The following ANK3 variants were observed in gnomAD, a reference collection of about 807,000 sequenced individuals.
ANK3 encodes the protein ankyrin 3, also known as ankyrin-3.
Under a neutral mutation model 370.9 loss-of-function variants are expected in ANK3, and 57 were observed. The ratio of observed to expected loss-of-function variants is 0.15; its 90% CI spans 0.12 to 0.19. ANK3 has a LOEUF of 0.19. ANK3 is among the 10% of genes least tolerant of loss of function. The pLI is 1.00. For missense variants in ANK3, 4,439 were observed against 5,302.1 expected, an observed-to-expected ratio of 0.84 and a Z score of 5.06; for synonymous variants, 1,929 against 1,946.3, an observed-to-expected ratio of 0.99 and a Z score of 0.23.
intron 2 of ANK3, among the ~76,000 whole-genome samples, chr10:60,486,538 C>T (rs779717478): frequency 7.2e-5 from 11 of 152,184 alleles, no homozygotes; most frequent in Non-Finnish European, 1.5e-4. Context: ...TGAGATCATG[C>T]CACTGCACTG....
chr10:60,438,562 C>T (rs1173581626), intron 2 of ANK3, among the ~76,000 whole-genome samples: 1 of 152,126 alleles, frequency 6.6e-6, no homozygotes, highest in Non-Finnish European at 1.5e-5. Flanking sequence ...ATGTGAATGC[C>T]TAAGCCATTT....
chr10:60,683,525 A>C (rs2079224958), intron 1 of ANK3, among the ~76,000 whole-genome samples: 2 of 152,226 alleles, frequency 1.3e-5, no homozygotes, highest in African/African-American at 4.8e-5. Flanking sequence ...TATGAATTTC[A>C]CTTTGAAGAT....
At chr10:60,719,743 T>A (rs560980256) in intron 1 of ANK3, among the ~76,000 whole-genome samples, 1 of 152,276 alleles carries the variant, frequency 6.6e-6, no homozygotes, top group Non-Finnish European at 1.5e-5. Context: ...TCTTGTCACA[T>A]TTTAAATATT....
At chr10:60,277,540 T>C (rs1341306931) in intron 4 of ANK3, among the ~76,000 whole-genome samples, 2 of 152,236 alleles carry the variant, frequency 1.3e-5, no homozygotes, top group Non-Finnish European at 2.9e-5. Flanking sequence ...GACCATCTTT[T>C]GGAAGAAGTA....
At chr10:60,263,064 C>T (rs1269814908) in intron 6 of ANK3, among the ~76,000 whole-genome samples, 1 of 152,030 alleles carries the variant, frequency 6.6e-6, no homozygotes, top group African/African-American at 2.4e-5. Context: ...GGCAGCAGCA[C>T]TAAGTCATGG....
intron 1 of ANK3, among the ~76,000 whole-genome samples, chr10:60,343,492 G>A (rs1448180263): frequency 6.6e-6 from 1 of 152,082 alleles, no homozygotes; most frequent in Non-Finnish European, 1.5e-5. Flanking sequence ...GGAAAGAAAG[G>A]GGAGTATAAG....
chr10:60,091,510 A>G (rs1310552548), intron 28 of ANK3, among the ~76,000 whole-genome samples: 3 of 137,744 alleles, frequency 2.2e-5, no homozygotes, highest in Non-Finnish European at 3.1e-5. Flanking sequence ...AAAGTGAGGG[A>G]CTAGAATGTG....
chr10:60,161,602 T>C (rs552831254), intron 23 of ANK3, among the ~76,000 whole-genome samples: 11 of 152,114 alleles, frequency 7.2e-5, no homozygotes, highest in African/African-American at 1.7e-4. Context: ...ATGGATGGAA[T>C]TGGAGACATT....
intron 2 of ANK3, among the ~76,000 whole-genome samples, chr10:60,438,938 A>G (rs1388475942): frequency 6.6e-6 from 1 of 152,218 alleles, no homozygotes; most frequent in Non-Finnish European, 1.5e-5. Context: ...CTCCCCTAAG[A>G]GTCTTAAAAC....
At chr10:60,368,899 C>A (rs1243142702) in intron 1 of ANK3, among the ~76,000 whole-genome samples, 1 of 152,150 alleles carries the variant, frequency 6.6e-6, no homozygotes. Flanking sequence ...CAACCTGGTG[C>A]TGGAAATCCT....
intron 1 of ANK3, among the ~76,000 whole-genome samples, chr10:60,280,934 G>A (rs576080643): frequency 6.6e-6 from 1 of 152,130 alleles, no homozygotes; most frequent in Non-Finnish European, 1.5e-5. Context: ...TGGTATACCT[G>A]TCCTTCTTCC....
chr10:60,180,163 G>A lies in ANK3; in HGVS notation c.2184+1166C>T, dbSNP rs1169150687. 2.0e-5 allele frequency among the ~76,000 whole-genome samples: 3 copies of A among 152,160 alleles called. No individual in the cohort carries two copies. In the East Asian group the frequency reaches 5.8e-4, roughly 29 times the overall value. ...TTTGGTGTCAATACCCTTTTATCTG[G>A]CTAATTTGGGGTAATATTTCTGTAT... On this transcript the variant is annotated intron_variant, in intron 18 of 43. Transcript: ENST00000280772.
chr10:60,600,518 T>C (rs780551366), intron 2 of ANK3, among the ~76,000 whole-genome samples: 9 of 152,156 alleles, frequency 5.9e-5, no homozygotes, highest in Non-Finnish European at 1.3e-4. Flanking sequence ...TTCAAAGCAC[T>C]TACTACTCTC....
chr10:60,683,363 T>C (rs1357484188), intron 1 of ANK3, among the ~76,000 whole-genome samples: 1 of 152,168 alleles, frequency 6.6e-6, no homozygotes, highest in Non-Finnish European at 1.5e-5. Context: ...AGCATGAGGC[T>C]TTTTGGAAGA....
chr10:60,645,183 A>T (rs1477528789), intron 1 of ANK3, among the ~76,000 whole-genome samples: 1 of 152,118 alleles, frequency 6.6e-6, no homozygotes, highest in East Asian at 1.9e-4. Flanking sequence ...CTCTTTTGTC[A>T]CCCAATTTAT....
At chr10:60,676,141 A>G (rs1226692246) in intron 1 of ANK3, among the ~76,000 whole-genome samples, 3 of 152,052 alleles carry the variant, frequency 2.0e-5, no homozygotes, top group African/African-American at 7.2e-5. Context: ...AGTCAAAAAA[A>G]TAAGTGAAAA....
intron 1 of ANK3, among the ~76,000 whole-genome samples, chr10:60,654,194 C>T (rs921416685): frequency 2.0e-5 from 3 of 152,284 alleles, no homozygotes; most frequent in Middle Eastern, 3.4e-3. Flanking sequence ...GCCAAATTCA[C>T]TTCTTAGTTC....
chr10:60,616,775 G>T (rs1006081352), intron 1 of ANK3, among the ~76,000 whole-genome samples: 19 of 152,080 alleles, frequency 1.2e-4, no homozygotes, highest in African/African-American at 4.6e-4. Context: ...CCACCAAAAG[G>T]TCAAAATCTA....
chr10:60,372,777 C>T (rs950330299), intron 1 of ANK3, among the ~76,000 whole-genome samples: 27 of 152,140 alleles, frequency 1.8e-4, no homozygotes, highest in South Asian at 8.3e-4. Context: ...CTCTGCCCTT[C>T]GAAACCGATG....
Sources: gnomAD v4.1 joint callset for allele counts (sites outside exome capture counted in the v4.1 genomes callset) on GRCh38, gnomAD v4.1.1 for gene constraint, MANE v1.5 for transcripts, NCBI Gene and HGNC (gene_info 2026-07-23, HGNC 2026-07-21) for gene names.